NT5DC1: variants seen among roughly 807,000 people sequenced by gnomAD.
NT5DC1 encodes the protein 5'-nucleotidase domain-containing protein 1.
Under a neutral mutation model 59.4 loss-of-function variants are expected in NT5DC1, and 42 were observed. That is an observed-to-expected ratio of 0.71 (90% CI 0.55 to 0.92). The LOEUF (loss-of-function observed/expected upper bound fraction) is 0.92. Ranked by LOEUF, NT5DC1 falls within the 40% of genes least tolerant of loss-of-function variation. The pLI is 0.00. For missense variants in NT5DC1, 501 were observed against 537.1 expected, an observed-to-expected ratio of 0.93 and a Z score of 0.66; for synonymous variants, 172 against 188.1, an observed-to-expected ratio of 0.91 and a Z score of 0.70.
chr6:116,170,033 G>T (rs575731098), intron 6 of NT5DC1, among the ~76,000 whole-genome samples: 22 of 152,282 alleles, frequency 1.4e-4, no homozygotes, highest in Middle Eastern at 3.4e-3. Context: ...TTGGCCATGG[G>T]ATTAGCAATA....
intron 8 of NT5DC1, 118 bp downstream of exon 8, chr6:116,223,249 A>G: frequency 1.7e-6 from 1 of 580,898 alleles, no homozygotes; most frequent in Non-Finnish European, 3.1e-6. Context: ...GAAAAAAGAT[A>G]ATAAACCTAT....
intron 11 of NT5DC1, among the ~76,000 whole-genome samples, chr6:116,242,752 T>G (rs894623700): frequency 6.6e-6 from 1 of 152,184 alleles, no homozygotes; most frequent in Non-Finnish European, 1.5e-5. Context: ...TCCGCTTGGA[T>G]TCTTAGTTTG....
At chr6:116,187,464 A>C (rs910561756) in intron 6 of NT5DC1, among the ~76,000 whole-genome samples, 20 of 152,108 alleles carry the variant, frequency 1.3e-4, no homozygotes, top group Non-Finnish European at 2.8e-4. Context: ...CAAATAATTC[A>C]TGGCTTATTT....
chr6:116,187,069 G>A (rs1020805724), intron 6 of NT5DC1, among the ~76,000 whole-genome samples: 4 of 152,024 alleles, frequency 2.6e-5, no homozygotes, highest in Non-Finnish European at 5.9e-5. Context: ...CCTTGTTGTG[G>A]TGTTCTCCCC....
intron 6 of NT5DC1, among the ~76,000 whole-genome samples, chr6:116,208,866 G>A (rs1781514252): frequency 6.6e-6 from 1 of 151,986 alleles, no homozygotes; most frequent in Admixed American, 6.6e-5. Context: ...CCCATCATCT[G>A]GCTCATAGAA....
At chr6:116,172,539 C>G (rs1045690459) in intron 6 of NT5DC1, among the ~76,000 whole-genome samples, 1 of 152,076 alleles carries the variant, frequency 6.6e-6, no homozygotes, top group East Asian at 1.9e-4. Flanking sequence ...CCAGGATGGT[C>G]TCGATCTCCT....
intron 6 of NT5DC1, among the ~76,000 whole-genome samples, chr6:116,154,029 CTT>C (rs34356532): frequency 4.4e-4 from 54 of 122,298 alleles, no homozygotes; most frequent in East Asian, 1.5e-3. Context: ...GGGAAGATTT[CTT>C]TTTTTTTTTT....
intron 6 of NT5DC1, among the ~76,000 whole-genome samples, chr6:116,127,530 T>C (rs1012946172): frequency 6.6e-6 from 1 of 152,142 alleles, no homozygotes; most frequent in Non-Finnish European, 1.5e-5. Flanking sequence ...GAATAGCTTT[T>C]GTAATTATAA....
intron 6 of NT5DC1, among the ~76,000 whole-genome samples, chr6:116,183,567 T>G (rs754076096): frequency 3.9e-5 from 6 of 152,078 alleles, no homozygotes; most frequent in Non-Finnish European, 7.4e-5. Flanking sequence ...GTGATTTCTT[T>G]CAGCAATGTT....
intron 9 of NT5DC1, chr6:116,237,688 C>T (rs1208654205): frequency 9.3e-6 from 3 of 322,418 alleles, no homozygotes; most frequent in African/African-American, 2.2e-5. Flanking sequence ...CTCAGACTAC[C>T]TAGGGAACTT....
chr6:116,113,713 A>G (rs1778919407), intron 4 of NT5DC1, among the ~76,000 whole-genome samples: 1 of 152,172 alleles, frequency 6.6e-6, no homozygotes, highest in Admixed American at 6.5e-5. Context: ...TTCCCCCTGA[A>G]TTATTTAATT....
At chr6:116,159,311 C>T (rs2114421751) in intron 6 of NT5DC1, among the ~76,000 whole-genome samples, 1 of 152,104 alleles carries the variant, frequency 6.6e-6, no homozygotes, top group South Asian at 2.1e-4. Flanking sequence ...CTTTCTTTTT[C>T]CATAAAGAGA....
intron 6 of NT5DC1, among the ~76,000 whole-genome samples, chr6:116,188,454 T>A (rs1345696872): frequency 1.3e-5 from 2 of 152,180 alleles, no homozygotes; most frequent in East Asian, 3.9e-4. Flanking sequence ...TGACATTCTA[T>A]TCATCAATGA....
chr6:116,170,060 A>G (rs1214112219), intron 6 of NT5DC1, among the ~76,000 whole-genome samples: 2 of 152,246 alleles, frequency 1.3e-5, no homozygotes, highest in African/African-American at 4.8e-5. Flanking sequence ...CATAAGCGAC[A>G]TTGTCCATAG....
chr6:116,237,738 G>T (rs1374278953), intron 9 of NT5DC1: 3 of 293,342 alleles, frequency 1.0e-5, no homozygotes, highest in South Asian at 1.0e-4. Context: ...CACAGATTCT[G>T]TTTCAACCAG....
chr6:116,141,504 A>T (rs1779763029), intron 6 of NT5DC1, among the ~76,000 whole-genome samples: 1 of 151,982 alleles, frequency 6.6e-6, no homozygotes, highest in South Asian at 2.1e-4. Context: ...TGGGACTCCA[A>T]GTCATTGTAT....
intron 11 of NT5DC1, among the ~76,000 whole-genome samples, chr6:116,243,170 A>G (rs867782097): frequency 6.8e-4 from 103 of 152,300 alleles, no homozygotes; most frequent in African/African-American, 2.4e-3. Context: ...GCCATGTTGT[A>G]TGTATTAAAA....
chr6:116,233,740 T>C lies in NT5DC1; in HGVS notation c.803-3226T>C, dbSNP rs564880091. 3.3e-4 allele frequency among the ~76,000 whole-genome samples: 50 copies of C among 152,300 alleles called. 1 individual carries two copies. The highest frequency in any genetic ancestry group is 3.4e-3 in the Middle Eastern group (1 of 294). The stretch of plus-strand genomic sequence containing the variant: ...TTTTTCAGATATCAGTTTATTCACC[T>C]GTAAATTGAAGGGATTATAGCTAAG... On this transcript the variant is annotated intron_variant, in intron 8 of 11. Transcript: ENST00000319550.
chr6:116,248,616 G>A lies in NT5DC1; in HGVS notation c.*4592G>A, dbSNP rs528291290. On this transcript the variant is annotated 3_prime_UTR_variant, in exon 12 of 12. Transcript: ENST00000319550. ...GCACTGAATGCCCAGAAATGGAAGC[G>A]CAAGGAAAGTGTTGTGTGAGGACCA... 154 of 152,318 alleles carry A rather than the reference G, an allele frequency of 1.0e-3. No individual in the cohort carries two copies. The highest frequency in any genetic ancestry group is 1.8e-3 in the Non-Finnish European group (125 of 68,068). 9.4% of individuals were successfully genotyped at this position (152,318 alleles called of 1,614,324 possible). A position where few individuals can be genotyped will look rare whatever the true frequency, so the allele number is the denominator to read the frequency against.
Sources: gnomAD v4.1 joint callset for allele counts (sites outside exome capture counted in the v4.1 genomes callset) on GRCh38, gnomAD v4.1.1 for gene constraint, MANE v1.5 for transcripts, NCBI Gene and HGNC (gene_info 2026-07-23, HGNC 2026-07-21) for gene names.